The following NSG2 variants were observed in gnomAD, a reference collection of about 807,000 sequenced individuals.
NSG2 encodes neuronal vesicle trafficking-associated protein 2.
NSG2 carries 4 observed loss-of-function variants against 16.9 expected under a neutral mutation model. That is an observed-to-expected ratio of 0.24 (90% confidence interval 0.12 to 0.54). NSG2 has a LOEUF of 0.54. Ranked by LOEUF, NSG2 falls within the 20% of genes least tolerant of loss-of-function variation. NSG2 has a pLI of 0.95. For missense variants in NSG2, 179 were observed against 221.1 expected (o/e 0.81, Z 1.21); for synonymous variants, 98 against 88.7 (o/e 1.11, Z -0.59).
intron 2 of NSG2, among the ~76,000 whole-genome samples, chr5:174,054,210 G>A (rs1759933698): frequency 6.6e-6 from 1 of 152,246 alleles, no homozygotes. Context: ...AACACACATA[G>A]TGTGAGCATG....
intron 1 of NSG2, chr5:174,046,110 G>A (rs943806428): frequency 1.8e-4 from 28 of 151,422 alleles, no homozygotes; most frequent in African/African-American, 6.8e-4. Context: ...AAAAAAAATG[G>A]CCCTTCGCTA....
intron 2 of NSG2, among the ~76,000 whole-genome samples, chr5:174,061,779 A>G (rs1350670956): frequency 6.6e-6 from 1 of 151,210 alleles, no homozygotes; most frequent in African/African-American, 2.4e-5. Context: ...AATTTTTTTA[A>G]TTTTTAGTAA....
chr5:174,064,489 A>T, intron 3 of NSG2, 174 bp downstream of exon 3: 1 of 462,948 alleles, frequency 2.2e-6, no homozygotes. Context: ...AAATAACAAG[A>T]ACTCTGCCTC....
chr5:174,057,458 T>C (rs1468309483), intron 2 of NSG2, among the ~76,000 whole-genome samples: 2 of 151,350 alleles, frequency 1.3e-5, no homozygotes, highest in African/African-American at 2.5e-5. Flanking sequence ...GGAAGGGAAA[T>C]GTTTCTGGCT....
chr5:174,057,870 G>A (rs986684784), intron 2 of NSG2, among the ~76,000 whole-genome samples: 1 of 152,170 alleles, frequency 6.6e-6, no homozygotes, highest in African/African-American at 2.4e-5. Context: ...TCGATCTAGA[G>A]GGATCTTTCC....
intron 3 of NSG2, among the ~76,000 whole-genome samples, chr5:174,065,509 G>A (rs949263362): frequency 6.6e-6 from 1 of 152,070 alleles, no homozygotes; most frequent in Non-Finnish European, 1.5e-5. Context: ...GGAAGAGAAG[G>A]GACATGATTA....
chr5:174,076,111 C>G (rs1325528941), intron 3 of NSG2, among the ~76,000 whole-genome samples: 1 of 152,222 alleles, frequency 6.6e-6, no homozygotes, highest in East Asian at 1.9e-4. Context: ...AGTCACCTCA[C>G]CTCCATCAGC....
At chr5:174,059,201 C>CA (rs2113427927) in intron 2 of NSG2, among the ~76,000 whole-genome samples, 1 of 152,262 alleles carries the variant, frequency 6.6e-6, no homozygotes, top group Non-Finnish European at 1.5e-5. Context: ...TAAATGACAT[C>CA]ACGCAGTATA....
Position 174,107,843 on chromosome 5 carries a change from C to A in NSG2, c.*338C>A. On this transcript the variant is annotated 3_prime_UTR_variant, in exon 5 of 5. Transcript: ENST00000303177. The surrounding 1 kb of genome is among the most constrained non-coding windows in gnomAD (Gnocchi z 4.5). Reference sequence around the variant, plus strand: ...AGCAGAAAAGGAAAGAAACAAAGAACATGAACAAAAAGCATTAAACTGGCT... The same window carrying A: ...AGCAGAAAAGGAAAGAAACAAAGAAAATGAACAAAAAGCATTAAACTGGCT... 6.4e-6 allele frequency: 3 copies of A among 466,106 alleles called. No homozygotes were observed. The highest frequency in any genetic ancestry group is 2.6e-5 in the Admixed American group (1 of 39,184). The allele number at this position is 466,106 out of a possible 1,614,324, so 28.9% of individuals were successfully genotyped here.
intron 3 of NSG2, among the ~76,000 whole-genome samples, chr5:174,101,550 C>A (rs1052501776): frequency 2.0e-5 from 3 of 152,252 alleles, no homozygotes; most frequent in Non-Finnish European, 4.4e-5. Context: ...AATCACATGA[C>A]ATGTGGCCAT....
intron 3 of NSG2, among the ~76,000 whole-genome samples, chr5:174,082,928 G>A (rs17076810): frequency 0.019 from 2,928 of 152,230 alleles, 98 homozygotes; most frequent in African/African-American, 0.067. Context: ...CATGAATGCC[G>A]GATATGACAG....
chr5:174,061,162 CACAT>C (rs1760044040), intron 2 of NSG2, among the ~76,000 whole-genome samples: 1 of 152,114 alleles, frequency 6.6e-6, no homozygotes, highest in African/African-American at 2.4e-5. Flanking sequence ...TATACATACA[CACAT>C]GCATGGGGAG....
chr5:174,046,693 C>T (rs1759805002), intron 1 of NSG2, 41 bp from the exon 2 acceptor site: 2 of 1,602,360 alleles, frequency 1.2e-6, no homozygotes, highest in South Asian at 1.1e-5. Flanking sequence ...CTCTTTCTGC[C>T]TCACCTCCTG....
At chr5:174,094,608 C>G (rs1385534862) in intron 3 of NSG2, among the ~76,000 whole-genome samples, 1 of 152,226 alleles carries the variant, frequency 6.6e-6, no homozygotes, top group African/African-American at 2.4e-5. Flanking sequence ...CAGGGTCCAG[C>G]TCTCCCAGCT....
At chr5:174,084,815 G>A (rs1049809851) in intron 3 of NSG2, among the ~76,000 whole-genome samples, 2 of 152,236 alleles carry the variant, frequency 1.3e-5, no homozygotes, top group African/African-American at 2.4e-5. Flanking sequence ...GCTGAGGGAA[G>A]ATAATTTCAT....
chr5:174,074,275 A>C (rs1035234820), intron 3 of NSG2, among the ~76,000 whole-genome samples: 1 of 152,192 alleles, frequency 6.6e-6, no homozygotes, highest in Non-Finnish European at 1.5e-5. Context: ...TAAGTGAGGC[A>C]ATGTAAGCTA....
At chr5:174,083,457 A>G (rs1350670499) in intron 3 of NSG2, among the ~76,000 whole-genome samples, 1 of 152,198 alleles carries the variant, frequency 6.6e-6, no homozygotes, top group African/African-American at 2.4e-5. Context: ...ACTTTCCTGA[A>G]TATCCCAGGG....
At chr5:174,065,102 A>C (rs1228902897) in intron 3 of NSG2, among the ~76,000 whole-genome samples, 1 of 152,040 alleles carries the variant, frequency 6.6e-6, no homozygotes, top group East Asian at 1.9e-4. Flanking sequence ...GCTGAGTCGG[A>C]TGGATCACGA....
chr5:174,106,396 C>T (rs943390426), intron 4 of NSG2, among the ~76,000 whole-genome samples: 13 of 152,024 alleles, frequency 8.6e-5, no homozygotes, highest in Non-Finnish European at 2.9e-5. Flanking sequence ...ACAGCATGTT[C>T]GCCTCACACC....
Sources: allele counts gnomAD v4.1 joint callset (sites outside exome capture counted in the v4.1 genomes callset), GRCh38; gene constraint gnomAD v4.1.1; non-coding constraint Gnocchi (gnomAD v3.1); transcripts MANE v1.5; gene names NCBI Gene and HGNC (gene_info 2026-07-23, HGNC 2026-07-21).